Variants in FNBP1 observed in about 807,000 individuals in gnomAD.
FNBP1 encodes formin-binding protein 1.
Under a neutral mutation model 90.6 loss-of-function variants are expected in FNBP1, and 26 were observed. The observed-to-expected ratio is 0.29, with a 90% CI of 0.21 to 0.40. FNBP1 has a LOEUF of 0.40. Among genes scored for constraint, FNBP1 ranks in the 10% least tolerant of loss-of-function variants. The pLI is 1.00. For synonymous variants in FNBP1, 260 were observed against 265.2 expected, an observed-to-expected ratio of 0.98 and a Z score of 0.19; for missense variants, 635 against 768.0, an observed-to-expected ratio of 0.83 and a Z score of 2.05.
chr9:129,940,374 A>G (rs548260838), intron 6 of FNBP1, among the ~76,000 whole-genome samples: 1 of 152,320 alleles, frequency 6.6e-6, no homozygotes, highest in Non-Finnish European at 1.5e-5. Context: ...AATAAAAAAT[A>G]CAGTCATTGA....
chr9:130,053,535 T>G, the FNBP1 span: 1 of 209,256 alleles, frequency 4.8e-6, no homozygotes, highest in South Asian at 7.7e-5. Context: ...CAACGCTCAG[T>G]GAAATCAGTT....
At chr9:129,910,484 AAAAAC>A (rs1486347075) in intron 11 of FNBP1, among the ~76,000 whole-genome samples, 19 of 135,540 alleles carry the variant, frequency 1.4e-4, no homozygotes, top group African/African-American at 4.2e-4. Flanking sequence ...TCCATCTCAA[AAAAAC>A]AAAAAAAAAA....
intron 4 of FNBP1, among the ~76,000 whole-genome samples, chr9:129,967,895 G>T (rs1011079211): frequency 2.0e-5 from 3 of 152,032 alleles, no homozygotes; most frequent in African/African-American, 4.8e-5. Flanking sequence ...AGATTGGGGG[G>T]TGGATCTCAC....
chr9:130,052,576 G>A, the FNBP1 span, among the ~76,000 whole-genome samples: 1 of 151,946 alleles, frequency 6.6e-6, no homozygotes, highest in African/African-American at 2.4e-5. Context: ...GGGACTACAG[G>A]CGCGCGGCCG....
chr9:129,892,413 AC>A (rs199530276), intron 16 of FNBP1, among the ~76,000 whole-genome samples: 3,319 of 129,540 alleles, frequency 0.026, 62 homozygotes, highest in South Asian at 0.049. Flanking sequence ...ACACACACAC[AC>A]ACAAAAAGGT....
intron 1 of FNBP1, among the ~76,000 whole-genome samples, chr9:130,012,709 G>A (rs1175526438): frequency 1.3e-5 from 2 of 151,978 alleles, no homozygotes; most frequent in Non-Finnish European, 2.9e-5. Context: ...GTGCGATCTC[G>A]GCTCACTGCA....
At chr9:129,904,471 C>T (rs1261738107) in intron 12 of FNBP1, among the ~76,000 whole-genome samples, 1 of 152,148 alleles carries the variant, frequency 6.6e-6, no homozygotes, top group African/African-American at 2.4e-5. Context: ...TAAGGGCCAA[C>T]TTTGATGAGT....
intron 1 of FNBP1, among the ~76,000 whole-genome samples, chr9:130,022,669 CT>C (rs935789341): frequency 8.8e-4 from 130 of 147,192 alleles, no homozygotes; most frequent in African/African-American, 1.7e-3. Context: ...AACACTCGCT[CT>C]TTTTTTTTTT....
At position 129,979,224 on chromosome 9, in the gene FNBP1, G is replaced by A. The variant is rs972775658; in HGVS notation, c.197+94C>T. On this transcript the variant is annotated intron_variant, in intron 3 of 16. Transcript: ENST00000446176. The stretch of plus-strand genomic sequence containing the variant: ...AACTGACACAAAATGAATGGGAAAT[G>A]CAACTTATTTTTATAGACATGTATT... 4.3e-6 allele frequency: 3 copies of A among 696,454 alleles called. No homozygotes were observed. The African/African-American group carries it at 5.4e-5, about 12-fold the overall frequency. The allele number at this position is 696,454 out of a possible 1,614,324, so 43.1% of individuals were successfully genotyped here. A position where few individuals can be genotyped will look rare whatever the true frequency, so the allele number is the denominator to read the frequency against.
intron 8 of FNBP1, among the ~76,000 whole-genome samples, chr9:129,926,898 A>T (rs1460374883): frequency 1.3e-5 from 2 of 151,932 alleles, no homozygotes; most frequent in Non-Finnish European, 2.9e-5. Flanking sequence ...AAAGAAAAAA[A>T]AAAAAAGAAA....
chr9:129,940,181 T>C (rs1047528991), intron 6 of FNBP1, among the ~76,000 whole-genome samples: 2 of 152,090 alleles, frequency 1.3e-5, no homozygotes, highest in Non-Finnish European at 2.9e-5. Context: ...AGCCTGGGCT[T>C]AGGTGACAGA....
chr9:129,968,729 G>C (rs762374637), intron 4 of FNBP1, among the ~76,000 whole-genome samples: 10 of 152,190 alleles, frequency 6.6e-5, no homozygotes, highest in Non-Finnish European at 1.3e-4. Flanking sequence ...GTAATGTGGA[G>C]TCTGTAAGCA....
chr9:130,025,791 G>A (rs1220144917), intron 1 of FNBP1, among the ~76,000 whole-genome samples: 1 of 152,168 alleles, frequency 6.6e-6, no homozygotes, highest in Non-Finnish European at 1.5e-5. Flanking sequence ...GGGCGTGGTG[G>A]CACATGCCTG....
chr9:130,029,493 A>T (rs2058624320), intron 1 of FNBP1, among the ~76,000 whole-genome samples: 1 of 152,156 alleles, frequency 6.6e-6, no homozygotes, highest in Non-Finnish European at 1.5e-5. Flanking sequence ...AACCATAGAG[A>T]ACAAAGAGTA....
At chr9:129,898,508 T>C (rs1418093314) in intron 15 of FNBP1, among the ~76,000 whole-genome samples, 1 of 152,128 alleles carries the variant, frequency 6.6e-6, no homozygotes, top group African/African-American at 2.4e-5. Flanking sequence ...CTTTTTTTTT[T>C]TGAGAGGGAG....
At chr9:129,991,849 T>A (rs1293652925) in intron 2 of FNBP1, among the ~76,000 whole-genome samples, 1 of 151,880 alleles carries the variant, frequency 6.6e-6, no homozygotes, top group Non-Finnish European at 1.5e-5. Flanking sequence ...TTAGTACAGA[T>A]GGGGTTTCAC....
chr9:129,903,294 T>C (rs533840004), intron 12 of FNBP1, among the ~76,000 whole-genome samples: 1 of 152,164 alleles, frequency 6.6e-6, no homozygotes, highest in South Asian at 2.1e-4. Context: ...TTAGGTGATC[T>C]GCCTGCCTCA....
chr9:130,006,924 A>T lies in FNBP1; in HGVS notation c.25-11966T>A, dbSNP rs116221733. On this transcript the variant is annotated intron_variant, in intron 1 of 16. Coordinates refer to ENST00000446176, the MANE Select transcript of FNBP1 (RefSeq NM_015033.3). ...AAGTTTAGGAGGCAGCTGCATATGG[A>T]TGAAGTTAGTGATATAAAGAATGTG... 1.8e-3 allele frequency among the ~76,000 whole-genome samples: 277 copies of T among 152,178 alleles called. 1 individual carries two copies. Among genetic ancestry groups the T allele is most frequent in the African/African-American group, 5.6e-3 (232 of 41,548 alleles).
chr9:129,930,139 C>T (rs1588632876), intron 6 of FNBP1, among the ~76,000 whole-genome samples: 1 of 151,984 alleles, frequency 6.6e-6, no homozygotes, highest in East Asian at 1.9e-4. Context: ...TGGCTCACTG[C>T]AGCCTCAACC....
Sources: gnomAD v4.1 joint callset for allele counts (sites outside exome capture counted in the v4.1 genomes callset) on GRCh38, gnomAD v4.1.1 for gene constraint, MANE v1.5 for transcripts, NCBI Gene and HGNC (gene_info 2026-07-23, HGNC 2026-07-21) for gene names.